Variants in SIPA1L1 observed in about 807,000 individuals in gnomAD.
SIPA1L1 encodes signal induced proliferation associated 1 like 1, also known as signal-induced proliferation-associated 1-like protein 1.
In SIPA1L1, 26 loss-of-function variants were observed where a neutral mutation model predicts 162.7. That is an observed-to-expected ratio of 0.16 (90% CI 0.12 to 0.22). SIPA1L1 has a LOEUF of 0.22. Ranked by LOEUF, SIPA1L1 falls within the 10% of genes least tolerant of loss-of-function variation. SIPA1L1 has a pLI of 1.00. For synonymous variants in SIPA1L1, 829 were observed against 837.4 expected, an observed-to-expected ratio of 0.99 and a Z score of 0.17; for missense variants, 1,874 against 2,241.0, an observed-to-expected ratio of 0.84 and a Z score of 3.31.
chr14:71,358,449 A>G (rs937759206), intron 2 of SIPA1L1, among the ~76,000 whole-genome samples: 1 of 152,180 alleles, frequency 6.6e-6, no homozygotes, highest in Non-Finnish European at 1.5e-5. Context: ...AGTCGGTACA[A>G]GTTAAGAATT....
At chr14:71,699,931 A>T (rs1386977383) in intron 14 of SIPA1L1, among the ~76,000 whole-genome samples, 2 of 152,148 alleles carry the variant, frequency 1.3e-5, no homozygotes, top group African/African-American at 4.8e-5. Flanking sequence ...TCTAACTGTG[A>T]CTCTTAAACT....
At chr14:71,566,134 C>G (rs1396136119) in intron 4 of SIPA1L1, among the ~76,000 whole-genome samples, 1 of 151,480 alleles carries the variant, frequency 6.6e-6, no homozygotes. Context: ...ACAAAAAAAC[C>G]CAATAGTTTT....
intron 20 of SIPA1L1, among the ~76,000 whole-genome samples, chr14:71,732,702 A>T (rs1382820320): frequency 2.6e-5 from 4 of 152,238 alleles, no homozygotes; most frequent in African/African-American, 4.8e-5. Context: ...AGCTCGTGTG[A>T]TGACTGCATC....
At chr14:71,572,150 G>T (rs957974671) in intron 4 of SIPA1L1, among the ~76,000 whole-genome samples, 5 of 152,006 alleles carry the variant, frequency 3.3e-5, no homozygotes, top group Admixed American at 3.3e-4. Flanking sequence ...CTACTCCCAT[G>T]ATAGCCCATT....
chr14:71,488,586 C>A (rs1004078676), intron 2 of SIPA1L1, among the ~76,000 whole-genome samples: 5 of 152,148 alleles, frequency 3.3e-5, no homozygotes, highest in African/African-American at 1.2e-4. Flanking sequence ...TCAGTTGATG[C>A]CATAATTATC....
intron 3 of SIPA1L1, among the ~76,000 whole-genome samples, chr14:71,527,916 G>C (rs1468063064): frequency 6.6e-6 from 1 of 152,066 alleles, no homozygotes; most frequent in African/African-American, 2.4e-5. Flanking sequence ...ACCGAGTCTC[G>C]CTCTATCGTC....
intron 13 of SIPA1L1, among the ~76,000 whole-genome samples, chr14:71,690,581 T>TA (rs2081185291): frequency 6.6e-6 from 1 of 152,148 alleles, no homozygotes; most frequent in Non-Finnish European, 1.5e-5. Context: ...TGGATGGTGT[T>TA]AGGTCCTTAG....
intron 5 of SIPA1L1, among the ~76,000 whole-genome samples, chr14:71,590,627 A>C (rs1192916724): frequency 6.6e-6 from 1 of 152,160 alleles, no homozygotes; most frequent in Non-Finnish European, 1.5e-5. Flanking sequence ...TCATTCCTAC[A>C]TATCTATAGC....
chr14:71,491,761 AACACACACACACACACACACACACAC>A (rs59275638), intron 2 of SIPA1L1, among the ~76,000 whole-genome samples: 3 of 97,878 alleles, frequency 3.1e-5, no homozygotes, highest in Admixed American at 1.1e-4. Flanking sequence ...TTTTATTTCA[AACACACACACACACACACACACACAC>A]ACACACACAC....
intron 13 of SIPA1L1, among the ~76,000 whole-genome samples, chr14:71,693,436 T>G (rs932552779): frequency 4.7e-5 from 7 of 149,532 alleles, no homozygotes; most frequent in Non-Finnish European, 7.4e-5. Flanking sequence ...GAGGAGGAGA[T>G]CGCAGTGAGC....
chr14:71,646,247 G>A (rs2042153918), intron 7 of SIPA1L1, among the ~76,000 whole-genome samples: 1 of 151,332 alleles, frequency 6.6e-6, no homozygotes, highest in Non-Finnish European at 1.5e-5. Context: ...CGCTATCTCG[G>A]CTCACTGCAA....
At chr14:71,412,554 G>T (rs139014153) in intron 2 of SIPA1L1, among the ~76,000 whole-genome samples, 1 of 152,270 alleles carries the variant, frequency 6.6e-6, no homozygotes, top group Non-Finnish European at 1.5e-5. Context: ...GGCATGATAG[G>T]CCCTTGGTAA....
chr14:71,709,494 T>G lies in SIPA1L1; in HGVS notation c.4038T>G (p.Ser1346Arg). 6.2e-7 allele frequency: 1 copy of G among 1,614,160 alleles called. No homozygotes were observed. The highest frequency in any genetic ancestry group is 8.5e-7 in the Non-Finnish European group (1 of 1,180,026). The change falls in exon 17 of 24, where the codon AGT (serine) becomes AGG (arginine). Residue 1346 changes from serine to arginine, a missense_variant. By Grantham distance (110) the Ser-to-Arg change is moderately radical. Around this residue, in one of 5 missense-constraint regions of SIPA1L1, gnomAD observed 936 missense variants for 1,051.9 expected, o/e 0.89. Transcript: ENST00000381232. Reference protein sequence around the residue: ...EKVAPLWHSSSEVISMADRTL... With the variant: ...EKVAPLWHSSREVISMADRTL... ...TGGCACCCCTATGGCACAGCTCCAG[T>G]GAAGTAATCTCCATGGCAGATCGGA... is the stretch of plus-strand genomic sequence containing the variant.
At chr14:71,616,831 G>T (rs760936279) in intron 5 of SIPA1L1, among the ~76,000 whole-genome samples, 1 of 152,208 alleles carries the variant, frequency 6.6e-6, no homozygotes, top group African/African-American at 2.4e-5. Context: ...GCTTGAGGAT[G>T]AGGATGAATT....
At chr14:71,562,557 A>C (rs2056881228) in intron 4 of SIPA1L1, among the ~76,000 whole-genome samples, 2 of 152,220 alleles carry the variant, frequency 1.3e-5, no homozygotes, top group Non-Finnish European at 2.9e-5. Flanking sequence ...CAATTAATAG[A>C]ATAGCTTTTT....
At chr14:71,563,279 T>C (rs1013591875) in intron 4 of SIPA1L1, among the ~76,000 whole-genome samples, 9 of 152,162 alleles carry the variant, frequency 5.9e-5, no homozygotes, top group Non-Finnish European at 2.9e-5. Context: ...GATGTTTTTC[T>C]TTTAAACTTG....
chr14:71,606,551 C>T (rs575889838), intron 5 of SIPA1L1, among the ~76,000 whole-genome samples: 54 of 152,220 alleles, frequency 3.5e-4, no homozygotes, highest in South Asian at 6.2e-4. Flanking sequence ...TTGTGGGCTT[C>T]GTCCTGAGCA....
intron 3 of SIPA1L1, among the ~76,000 whole-genome samples, chr14:71,516,512 G>A (rs891213653): frequency 6.6e-5 from 10 of 152,062 alleles, no homozygotes; most frequent in African/African-American, 2.2e-4. Flanking sequence ...TCAGCCTCCT[G>A]AGTAGCTGGG....
At chr14:71,413,212 G>T (rs932452261) in intron 2 of SIPA1L1, among the ~76,000 whole-genome samples, 6 of 152,174 alleles carry the variant, frequency 3.9e-5, no homozygotes, top group African/African-American at 1.4e-4. Flanking sequence ...TCACCTGTGG[G>T]TACAAAATTG....
Sources: gnomAD v4.1 joint callset for allele counts (sites outside exome capture counted in the v4.1 genomes callset) on GRCh38, gnomAD v4.1.1 for gene constraint, gnomAD v4.1.1 regional missense constraint, MANE v1.5 for transcripts, NCBI Gene and HGNC (gene_info 2026-07-23, HGNC 2026-07-21) for gene names.